The following SUGCT variants were observed in gnomAD, a reference collection of about 807,000 sequenced individuals.
The protein encoded by SUGCT is succinyl-CoA:glutarate CoA-transferase.
In SUGCT, 41 loss-of-function variants were observed where a neutral mutation model predicts 55.0. That is an observed-to-expected ratio of 0.74 (90% CI 0.58 to 0.97). SUGCT has a LOEUF of 0.97. Ranked by LOEUF, SUGCT falls within the 50% of genes least tolerant of loss-of-function variation. The probability of loss-of-function intolerance (pLI) is 0.00; values close to 1 mark genes in which losing one functional copy is unlikely to be tolerated. For missense variants in SUGCT, 568 were observed against 547.8 expected (o/e 1.04, Z -0.37); for synonymous variants, 187 against 200.4 (o/e 0.93, Z 0.56).
At chr7:40,202,173 A>G (rs1217065338) in intron 6 of SUGCT, among the ~76,000 whole-genome samples, 1 of 152,062 alleles carries the variant, frequency 6.6e-6, no homozygotes, top group Non-Finnish European at 1.5e-5. Context: ...GGGTTTCACC[A>G]TGTTGCCCAG....
intron 13 of SUGCT, among the ~76,000 whole-genome samples, chr7:40,838,181 A>G (rs1233738181): frequency 1.3e-5 from 2 of 152,206 alleles, no homozygotes; most frequent in Non-Finnish European, 2.9e-5. Context: ...AAAATAGAAT[A>G]GAATGAATCT....
intron 12 of SUGCT, among the ~76,000 whole-genome samples, chr7:40,676,490 C>A (rs1055852396): frequency 6.9e-6 from 1 of 145,314 alleles, no homozygotes; most frequent in African/African-American, 2.7e-5. Context: ...AAATCCCTTG[C>A]GGTTTTGTTT....
chr7:40,864,529 C>T (rs1162827463), downstream of SUGCT, among the ~76,000 whole-genome samples: 1 of 152,074 alleles, frequency 6.6e-6, no homozygotes, highest in East Asian at 1.9e-4. Flanking sequence ...AGAAGCAACT[C>T]CACTAGACAT....
intron 12 of SUGCT, among the ~76,000 whole-genome samples, chr7:40,689,590 G>A (rs1171049158): frequency 6.6e-6 from 1 of 152,104 alleles, no homozygotes; most frequent in Non-Finnish European, 1.5e-5. Context: ...ACTATATGAA[G>A]GGCATCATAT....
chr7:40,528,355 C>G (rs1793912353), intron 12 of SUGCT, among the ~76,000 whole-genome samples: 1 of 152,112 alleles, frequency 6.6e-6, no homozygotes, highest in African/African-American at 2.4e-5. Context: ...CTTAAAATGC[C>G]TTAAATATTA....
At chr7:40,544,905 C>T (rs1794907990) in intron 12 of SUGCT, among the ~76,000 whole-genome samples, 1 of 152,116 alleles carries the variant, frequency 6.6e-6, no homozygotes, top group Non-Finnish European at 1.5e-5. Context: ...AAGGAGCTTA[C>T]AAAAACTAGT....
At chr7:40,978,732 G>A in the SUGCT span, among the ~76,000 whole-genome samples, 1 of 152,182 alleles carries the variant, frequency 6.6e-6, no homozygotes, top group Non-Finnish European at 1.5e-5. Flanking sequence ...CATGTGTCAA[G>A]GCCATGAGGC....
At chr7:40,280,066 G>T (rs1173384662) in intron 8 of SUGCT, among the ~76,000 whole-genome samples, 1 of 152,090 alleles carries the variant, frequency 6.6e-6, no homozygotes, top group Non-Finnish European at 1.5e-5. Context: ...TCTTAAAAGT[G>T]ATCTAGTGTA....
rs749897072 is a variant in SUGCT, at chr7:40,136,866, G to A, written c.100+1746G>A. Among the ~76,000 whole-genome samples the A allele has an allele frequency of 4.6e-5, 7 of 152,062 alleles. No individual in the cohort carries two copies. In the South Asian group the frequency reaches 6.2e-4, roughly 14 times the overall value. ...AAAAAAATTAGCCGGGCTTGGTGGC[G>A]TGCGCCTGTAGTCCCAGTTGCTTGG... On this transcript the variant is annotated intron_variant, in intron 1 of 13. Transcript: ENST00000335693.
chr7:40,577,695 G>C (rs1225435271), intron 12 of SUGCT, among the ~76,000 whole-genome samples: 1 of 152,040 alleles, frequency 6.6e-6, no homozygotes, highest in Non-Finnish European at 1.5e-5. Context: ...TGCATTTTGG[G>C]CTCCCTCCTT....
intron 1 of SUGCT, among the ~76,000 whole-genome samples, chr7:40,145,382 A>G (rs1201489847): frequency 1.3e-5 from 2 of 152,122 alleles, no homozygotes; most frequent in Non-Finnish European, 2.9e-5. Context: ...ACTTTCACAG[A>G]CAATTCTTTG....
intron 12 of SUGCT, among the ~76,000 whole-genome samples, chr7:40,710,618 T>C (rs1584316773): frequency 6.6e-6 from 1 of 152,078 alleles, no homozygotes; most frequent in South Asian, 2.1e-4. Context: ...TCTAAAATCA[T>C]ACCTAAAGAA....
intron 1 of SUGCT, among the ~76,000 whole-genome samples, chr7:40,151,913 T>C (rs1233980109): frequency 6.6e-6 from 1 of 152,056 alleles, no homozygotes; most frequent in African/African-American, 2.4e-5. Context: ...GGAGTGCTGA[T>C]TGGATGGGTC....
At chr7:40,312,363 C>A (rs1006479705) in intron 8 of SUGCT, among the ~76,000 whole-genome samples, 5 of 152,078 alleles carry the variant, frequency 3.3e-5, no homozygotes, top group Admixed American at 1.3e-4. Flanking sequence ...TTCTGTGTTC[C>A]TTTTTGTATC....
At chr7:40,415,066 ATC>A (rs1562760154) in intron 9 of SUGCT, among the ~76,000 whole-genome samples, 15 of 71,198 alleles carry the variant, frequency 2.1e-4, no homozygotes, top group African/African-American at 9.6e-4. Flanking sequence ...AAAAAAATCT[ATC>A]TATCTATCTA....
In SUGCT at chr7:40,141,000, T is replaced by C. The variant is rs144576926; in HGVS notation, c.100+5880T>C. Among the ~76,000 whole-genome samples, 298 of 152,280 alleles carry C rather than the reference T, an allele frequency of 2.0e-3. 4 individuals are homozygous for C. Among genetic ancestry groups the C allele is most frequent in the East Asian group, 0.015 (76 of 5,188 alleles). Reference sequence around the variant, plus strand: ...TGCATGGGGTGTTTTTCCATTTTTTTGTTTCATCTATAGTTTCTTTCATCA... The same window carrying C: ...TGCATGGGGTGTTTTTCCATTTTTTCGTTTCATCTATAGTTTCTTTCATCA... On this transcript the variant is annotated intron_variant, in intron 1 of 13. Coordinates refer to ENST00000335693, the MANE Select transcript of SUGCT (RefSeq NM_001193313.2).
chr7:40,765,624 A>G (rs1390996569), intron 13 of SUGCT, among the ~76,000 whole-genome samples: 10 of 152,226 alleles, frequency 6.6e-5, no homozygotes, highest in African/African-American at 2.4e-4. Context: ...CTAAACCAAT[A>G]TAAATTGCCA....
chr7:40,974,682 A>G, the SUGCT span, among the ~76,000 whole-genome samples: 1 of 152,196 alleles, frequency 6.6e-6, no homozygotes, highest in African/African-American at 2.4e-5. Flanking sequence ...TGGAAGTCCA[A>G]TCACCTTTGA....
intron 1 of SUGCT, 129 bp from the exon 2 acceptor site, chr7:40,180,818 T>A: frequency 2.9e-6 from 2 of 694,732 alleles, no homozygotes; most frequent in Non-Finnish European, 5.0e-6. Context: ...TAGAGTCTTG[T>A]GGTCTGTGGA....
Sources: gnomAD v4.1 joint callset for allele counts (sites outside exome capture counted in the v4.1 genomes callset) on GRCh38, gnomAD v4.1.1 for gene constraint, MANE v1.5 for transcripts, NCBI Gene and HGNC (gene_info 2026-07-23, HGNC 2026-07-21) for gene names.